PASD1: variants seen among roughly 807,000 people sequenced by gnomAD.
The protein encoded by PASD1 is circadian clock protein PASD1.
PASD1 carries 13 observed loss-of-function variants against 58.8 expected under a neutral mutation model. The observed-to-expected ratio is 0.22, with a 90% CI of 0.14 to 0.35. The LOEUF (loss-of-function observed/expected upper bound fraction) is 0.35, where lower values mean the gene tolerates loss of function less well. Among genes scored for constraint, PASD1 ranks in the 10% least tolerant of loss-of-function variants. The pLI is 1.00. For missense variants in PASD1, 734 were observed against 568.3 expected, an observed-to-expected ratio of 1.29 and a Z score of -2.96; for synonymous variants, 236 against 216.7, an observed-to-expected ratio of 1.09 and a Z score of -0.78.
At chrX:151,651,327 T>C (rs945401553) in intron 9 of PASD1, among the ~76,000 whole-genome samples, 1 of 112,362 alleles carries the variant, frequency 8.9e-6, no homozygotes, top group African/African-American at 3.2e-5. Flanking sequence ...TAGAGACAGG[T>C]TGCTCCTTAG....
chrX:151,623,153 A>G (rs2013740253), intron 7 of PASD1, 89 bp downstream of exon 7: 1 of 1,031,925 alleles, frequency 9.7e-7, no homozygotes. Flanking sequence ...CAGCCACTGG[A>G]CAACATTGCT....
intron 1 of PASD1, among the ~76,000 whole-genome samples, chrX:151,566,409 G>A (rs1432761824): frequency 8.9e-6 from 1 of 111,758 alleles, no homozygotes; most frequent in Admixed American, 9.5e-5. Context: ...AGAAGGCAGA[G>A]GGAGACACAC....
At chrX:151,631,724 A>G (rs1048143186) in intron 8 of PASD1, among the ~76,000 whole-genome samples, 3 of 111,529 alleles carry the variant, frequency 2.7e-5, no homozygotes, top group Non-Finnish European at 5.6e-5. Context: ...TCTTTCAGTG[A>G]AGAGACACCT....
intron 9 of PASD1, among the ~76,000 whole-genome samples, chrX:151,648,978 T>A (rs1362458114): frequency 8.9e-6 from 1 of 112,093 alleles, no homozygotes; most frequent in East Asian, 2.8e-4. Context: ...AATGGAAGTT[T>A]ACTTACTGAC....
At chrX:151,605,441 G>A (rs1271782159) in intron 3 of PASD1, among the ~76,000 whole-genome samples, 1 of 111,407 alleles carries the variant, frequency 9.0e-6, no homozygotes, top group African/African-American at 3.3e-5. Context: ...TGACCACCCA[G>A]CACTATGACC....
intron 15 of PASD1, among the ~76,000 whole-genome samples, chrX:151,675,157 T>C (rs967319342): frequency 1.8e-5 from 2 of 111,963 alleles, no homozygotes; most frequent in African/African-American, 6.5e-5. Context: ...GCTGAGCACG[T>C]TGCCCAGGGA....
At chrX:151,621,892 A>G (rs1350828659) in intron 6 of PASD1, among the ~76,000 whole-genome samples, 2 of 110,057 alleles carry the variant, frequency 1.8e-5, no homozygotes, top group African/African-American at 6.6e-5. Flanking sequence ...CTGTGGGTCT[A>G]TGTGTACCAG....
rs1466696105 is a variant in PASD1, at chrX:151,670,816, G to C, written c.1072-222G>C. ...GGGCCAATTCCACTTCTTTCTTTTT[G>C]GGAAAAGAATCAGGCTAAATGATCT... is the stretch of plus-strand genomic sequence containing the variant. On this transcript the variant is annotated intron_variant, in intron 11 of 15. Transcript: ENST00000370357. Among the ~76,000 whole-genome samples the C allele has an allele frequency of 1.3e-4, 14 of 111,831 alleles. No individual in the cohort carries two copies. The East Asian group carries it at 3.7e-3, about 29-fold the overall frequency.
At chrX:151,647,004 A>G (rs968965189) in intron 8 of PASD1, among the ~76,000 whole-genome samples, 3 of 112,284 alleles carry the variant, frequency 2.7e-5, no homozygotes, top group Non-Finnish European at 3.8e-5. Context: ...TGGAGATTTC[A>G]GTCTTGAGTG....
chrX:151,646,356 T>G (rs1379212269), intron 8 of PASD1, among the ~76,000 whole-genome samples: 4 of 112,258 alleles, frequency 3.6e-5, no homozygotes, highest in Non-Finnish European at 7.5e-5. Flanking sequence ...GTCAAAGAGT[T>G]TTGTCCAGTA....
In PASD1 at chrX:151,664,249, C is replaced by T. The variant is rs1349419799; in HGVS notation, c.972C>T (p.Asp324=). Residue 324 remains aspartate, a synonymous_variant, in exon 11 of 16, where the codon GAC becomes GAT. Transcript: ENST00000370357. ...VDQEGPMDQQ[D]PENPVAPLDQ... is the part of the protein sequence containing the mutation. ...AGGAGGGCCCAATGGACCAGCAGGA[C>T]CCAGAGAACCCAGTTGCCCCGTTGG... The T allele has an allele frequency of 1.7e-6, 2 of 1,208,244 alleles. No individual in the cohort carries two copies. Among genetic ancestry groups the T allele is most frequent in the Admixed American group, 4.4e-5 (2 of 45,665 alleles).
At chrX:151,579,892 C>T (rs927006690) in intron 1 of PASD1, among the ~76,000 whole-genome samples, 2 of 112,129 alleles carry the variant, frequency 1.8e-5, no homozygotes, top group African/African-American at 6.5e-5. Flanking sequence ...GGTTTGCTCT[C>T]TTTATCTCAG....
At chrX:151,619,394 C>G (rs1460376279) in intron 4 of PASD1, among the ~76,000 whole-genome samples, 1 of 111,266 alleles carries the variant, frequency 9.0e-6, no homozygotes, top group Admixed American at 9.6e-5. Context: ...AGACGACTAT[C>G]TGTGAGTCAT....
intron 2 of PASD1, 80 bp from the exon 3 acceptor site, chrX:151,604,560 TTAAGTA>T (rs2013460631): frequency 8.1e-6 from 5 of 620,217 alleles, no homozygotes; most frequent in Non-Finnish European, 1.2e-5. Flanking sequence ...TTTCTATAAA[TTAAGTA>T]TAACTTTGAA....
chrX:151,659,659 T>C (rs1246991299), intron 9 of PASD1, 54 bp from the exon 10 acceptor site: 1 of 1,102,423 alleles, frequency 9.1e-7, no homozygotes. Flanking sequence ...GTGTTTCCTA[T>C]TCTTTCTAAC....
intron 1 of PASD1, among the ~76,000 whole-genome samples, chrX:151,566,490 G>A (rs922529909): frequency 9.0e-6 from 1 of 111,714 alleles, no homozygotes; most frequent in African/African-American, 3.3e-5. Flanking sequence ...AGGTGAGGGT[G>A]GCTATCCTTG....
intron 11 of PASD1, 78 bp downstream of exon 11, chrX:151,664,426 G>T: frequency 6.9e-6 from 8 of 1,159,503 alleles, no homozygotes; most frequent in Non-Finnish European, 9.2e-6. Flanking sequence ...TTTCACTCTT[G>T]TGACCAGTTT....
chrX:151,567,987 A>C (rs1436294908), intron 1 of PASD1, among the ~76,000 whole-genome samples: 1 of 111,950 alleles, frequency 8.9e-6, no homozygotes, highest in African/African-American at 3.3e-5. Context: ...GGCCTCCCAA[A>C]GTTCTGGGAT....
In PASD1 at chrX:151,672,199, A is replaced by C; in HGVS notation, c.1454A>C (p.Gln485Pro). The C allele has an allele frequency of 8.7e-7, 1 of 1,155,362 alleles. No homozygotes were observed. Among genetic ancestry groups the C allele is most frequent in the Middle Eastern group, 2.9e-4 (1 of 3,440 alleles). Residue 485 changes from glutamine to proline, a missense_variant, in exon 14 of 16, where the codon CAA (glutamine) becomes CCA (proline). Transcript: ENST00000370357. ...VAFNQQQLVQ[Q>P]EQHLKEQQRQ... is the part of the protein sequence containing the mutation. Reference sequence around the variant, plus strand: ...TCGATGCAGCAGCAACTGGTGCAGCAAGAACAACACCTGAAGGAGCAGCAG... The same window carrying C: ...TCGATGCAGCAGCAACTGGTGCAGCCAGAACAACACCTGAAGGAGCAGCAG...
Sources: gnomAD v4.1 joint callset for allele counts (sites outside exome capture counted in the v4.1 genomes callset) on GRCh38, gnomAD v4.1.1 for gene constraint, MANE v1.5 for transcripts, NCBI Gene and HGNC (gene_info 2026-07-23, HGNC 2026-07-21) for gene names.